ADGRF5: variants seen among roughly 807,000 people sequenced by gnomAD.
ADGRF5 encodes G-protein coupled receptor 116.
A neutral mutation model predicts 132.3 loss-of-function variants in ADGRF5; 75 were observed. The observed-to-expected ratio is 0.57, with a 90% CI of 0.47 to 0.69. The LOEUF is 0.69. Ranked by LOEUF, ADGRF5 falls within the 30% of genes least tolerant of loss-of-function variation. The pLI is 0.00. For missense variants in ADGRF5, 1,516 were observed against 1,630.6 expected (o/e 0.93, Z 1.21); for synonymous variants, 629 against 597.6 (o/e 1.05, Z -0.77).
intron 1 of ADGRF5, among the ~76,000 whole-genome samples, chr6:46,928,799 C>T (rs1777388798): frequency 6.6e-6 from 1 of 152,166 alleles, no homozygotes; most frequent in African/African-American, 2.4e-5. Context: ...GAGATACCAT[C>T]TCACACCAGT....
intron 10 of ADGRF5, among the ~76,000 whole-genome samples, chr6:46,876,423 T>C (rs1026157698): frequency 6.6e-6 from 1 of 152,224 alleles, no homozygotes; most frequent in Non-Finnish European, 1.5e-5. Context: ...TCCTTCAGGA[T>C]ACCTACACCT....
chr6:46,950,142 G>T (rs1778443946), intron 1 of ADGRF5, among the ~76,000 whole-genome samples: 1 of 152,128 alleles, frequency 6.6e-6, no homozygotes, highest in Non-Finnish European at 1.5e-5. Flanking sequence ...CCCATTATGG[G>T]CATCCCTTTG....
At chr6:46,871,296 G>C (rs2150811496) in intron 11 of ADGRF5, among the ~76,000 whole-genome samples, 1 of 152,222 alleles carries the variant, frequency 6.6e-6, no homozygotes, top group African/African-American at 2.4e-5. Flanking sequence ...ACAAGTAATT[G>C]AGAGACTAAC....
At chr6:46,864,586 A>C (rs1770180418) in intron 14 of ADGRF5, among the ~76,000 whole-genome samples, 1 of 148,518 alleles carries the variant, frequency 6.7e-6, no homozygotes. Flanking sequence ...GTGCAGTGGC[A>C]CGATCTTGGC....
At chr6:46,925,395 A>G (rs1462596078), upstream of ADGRF5, among the ~76,000 whole-genome samples, 1 of 152,028 alleles carries the variant, frequency 6.6e-6, no homozygotes, top group Non-Finnish European at 1.5e-5. Flanking sequence ...TTTCCATATC[A>G]TCTCTGGTAC....
At chr6:46,883,048 C>A (rs1167091235) in intron 6 of ADGRF5, among the ~76,000 whole-genome samples, 1 of 152,226 alleles carries the variant, frequency 6.6e-6, no homozygotes, top group South Asian at 2.1e-4. Flanking sequence ...ATGTGAAGCA[C>A]TCAAGACAGG....
At chr6:46,912,960 G>A (rs1369754095) in intron 1 of ADGRF5, among the ~76,000 whole-genome samples, 1 of 152,212 alleles carries the variant, frequency 6.6e-6, no homozygotes, top group Non-Finnish European at 1.5e-5. Context: ...CAGCAAGACT[G>A]TGTCTTGTTA....
chr6:46,908,568 C>T (rs1775627883), intron 1 of ADGRF5, among the ~76,000 whole-genome samples: 1 of 152,180 alleles, frequency 6.6e-6, no homozygotes, highest in East Asian at 1.9e-4. Context: ...GTTGGCATTG[C>T]ATCCTTTTTT....
Position 46,860,875 on chromosome 6 carries a change from G to C in ADGRF5, c.2219C>G (p.Ser740Cys), listed in dbSNP as rs1769656994. The C allele has an allele frequency of 1.2e-6, 2 of 1,609,080 alleles. No individual in the cohort carries two copies. The highest frequency in any genetic ancestry group is 1.3e-5 in the African/African-American group (1 of 74,738). Residue 740 changes from serine (S) to cysteine (C), a missense_variant, in exon 16 of 21, where the codon TCT becomes TGT. Transcript: ENST00000283296. ...GTATGTAGGGAGCATCTCATCCTGA[G>C]AGGGGCTCTTGATCAAAGCCTAGTA... ...QMAKALIKSP[S>C]QDEMLPTYLK... is the part of the protein sequence containing the mutation.
intron 4 of ADGRF5, 74 bp downstream of exon 4, chr6:46,888,261 G>A (rs1773257864): frequency 9.3e-7 from 1 of 1,071,544 alleles, no homozygotes; most frequent in African/African-American, 1.6e-5. Context: ...AGATTGCTCT[G>A]ATACTCAGGA....
chr6:46,890,758 A>G (rs995716753), intron 3 of ADGRF5, among the ~76,000 whole-genome samples: 7 of 152,204 alleles, frequency 4.6e-5, no homozygotes, highest in African/African-American at 1.7e-4. Flanking sequence ...GAATACTTAT[A>G]AAATGATTAC....
At chr6:46,876,667 G>A (rs1043277664) in intron 10 of ADGRF5, among the ~76,000 whole-genome samples, 2 of 152,172 alleles carry the variant, frequency 1.3e-5, no homozygotes, top group Non-Finnish European at 2.9e-5. Context: ...GCAGTGGCAT[G>A]ATCTCTGCTC....
intron 1 of ADGRF5, among the ~76,000 whole-genome samples, chr6:46,917,059 T>C (rs541747193): frequency 6.6e-6 from 1 of 152,376 alleles, no homozygotes; most frequent in East Asian, 1.9e-4. Flanking sequence ...AAGCACTTGC[T>C]GTGTGTCAGA....
chr6:46,883,520 C>G, intron 6 of ADGRF5, 39 bp downstream of exon 6: 1 of 999,798 alleles, frequency 1.0e-6, no homozygotes. Context: ...TCAGTCCAAA[C>G]AGTTTGTTAG....
At chr6:46,877,307 T>C (rs868840840) in intron 10 of ADGRF5, among the ~76,000 whole-genome samples, 2,588 of 36,104 alleles carry the variant, frequency 0.072, 59 homozygotes, top group Non-Finnish European at 0.097. Context: ...CTCTCTCTCT[T>C]TCCTTCCTTC....
At chr6:46,857,903 C>A (rs1183055151) in intron 17 of ADGRF5, among the ~76,000 whole-genome samples, 1 of 152,150 alleles carries the variant, frequency 6.6e-6, no homozygotes, top group African/African-American at 2.4e-5. Flanking sequence ...CAGAGACTGG[C>A]AAATGACACT....
rs1403301341 is a variant in ADGRF5, at chr6:46,871,955, T to G, written c.1299A>C (p.Gly433=). ...CAGACGACCCGCTTGGGCACTGGGT[T>G]CCATCAGCCTTGAGGGTGTATCTGC... is the stretch of plus-strand genomic sequence containing the variant. The part of the protein sequence containing the change: ...SCSRYTLKAD[G]TQCPSGSSGT... The change falls in exon 11 of 21, where the codon GGA becomes GGC. Residue 433 remains glycine (G), a synonymous_variant. Transcript: ENST00000283296. 13 of 1,613,550 alleles carry G rather than the reference T, an allele frequency of 8.1e-6. No homozygotes were observed. Among genetic ancestry groups the G allele is most frequent in the Non-Finnish European group, 1.1e-5 (13 of 1,179,586 alleles).
chr6:46,882,201 T>C lies in ADGRF5; in HGVS notation c.613-94A>G, dbSNP rs993137939. On this transcript the variant is annotated intron_variant, in intron 6 of 20. Transcript: ENST00000283296. ...CAGAGTAAAAACCACATATTCCTAA[T>C]CACACTAGGTAAAATTATCTTCTGT... 3.6e-6 allele frequency: 3 copies of C among 830,382 alleles called. No individual in the cohort carries two copies. The African/African-American group carries it at 5.0e-5, about 14-fold the overall frequency. The allele number at this position is 830,382 out of a possible 1,614,324, so 51.4% of individuals were successfully genotyped here. A position where few individuals can be genotyped will look rare whatever the true frequency, so the allele number is the denominator to read the frequency against.
intron 5 of ADGRF5, 105 bp from the exon 6 acceptor site, chr6:46,883,770 C>T (rs554627829): frequency 1.7e-5 from 11 of 645,424 alleles, no homozygotes; most frequent in Non-Finnish European, 2.6e-5. Flanking sequence ...CAGATGGAGT[C>T]TCCCTCTGTC....
Sources: gnomAD v4.1 joint callset for allele counts (sites outside exome capture counted in the v4.1 genomes callset) on GRCh38, gnomAD v4.1.1 for gene constraint, MANE v1.5 for transcripts, NCBI Gene and HGNC (gene_info 2026-07-23, HGNC 2026-07-21) for gene names.